Variants in NTM observed in about 807,000 individuals in gnomAD.
NTM encodes neurotrimin, also known as IgLON family member 2.
Under a neutral mutation model 42.1 loss-of-function variants are expected in NTM, and 13 were observed. The observed-to-expected ratio is 0.31, with a 90% confidence interval of 0.20 to 0.49. The LOEUF (loss-of-function observed/expected upper bound fraction) is 0.49, where lower values mean the gene tolerates loss of function less well. NTM is among the 20% of genes least tolerant of loss of function. NTM has a pLI of 0.99. For synonymous variants in NTM, 187 were observed against 179.2 expected, an observed-to-expected ratio of 1.04 and a Z score of -0.35; for missense variants, 373 against 452.8, an observed-to-expected ratio of 0.82 and a Z score of 1.60.
chr11:131,735,800 G>C (rs1188443765), intron 1 of NTM, among the ~76,000 whole-genome samples: 1 of 151,790 alleles, frequency 6.6e-6, no homozygotes. Flanking sequence ...GTGGGAGTCA[G>C]AAGCCTGTGC....
At chr11:131,765,094 A>G (rs553692995) in intron 1 of NTM, among the ~76,000 whole-genome samples, 1 of 152,230 alleles carries the variant, frequency 6.6e-6, no homozygotes, top group South Asian at 2.1e-4. Context: ...CACATCCTGA[A>G]AGCCACTTAA....
chr11:132,032,387 T>G (rs2076038479), intron 2 of NTM, among the ~76,000 whole-genome samples: 1 of 152,258 alleles, frequency 6.6e-6, no homozygotes, highest in Non-Finnish European at 1.5e-5. Context: ...GGATTTTCAC[T>G]GCTGTTTGGG....
At chr11:131,531,196 T>C (rs773756215) in intron 1 of NTM, among the ~76,000 whole-genome samples, 1 of 152,192 alleles carries the variant, frequency 6.6e-6, no homozygotes, top group Admixed American at 6.5e-5. Flanking sequence ...GATGCAATGG[T>C]GTGATTATGG....
chr11:131,795,548 G>A, intron 1 of NTM: 1 of 985,364 alleles, frequency 1.0e-6, no homozygotes, highest in Non-Finnish European at 1.2e-6. Flanking sequence ...GCTCTGTCAG[G>A]ATACAGCATG....
chr11:131,647,398 G>C (rs2065902483), intron 1 of NTM, among the ~76,000 whole-genome samples: 1 of 152,158 alleles, frequency 6.6e-6, no homozygotes. Flanking sequence ...GCTTCGCAAT[G>C]GGCAGCCCTA....
At chr11:131,833,474 TC>T (rs552926742) in intron 1 of NTM, among the ~76,000 whole-genome samples, 12 of 152,272 alleles carry the variant, frequency 7.9e-5, no homozygotes, top group Middle Eastern at 3.4e-3. Flanking sequence ...TTATATGCCT[TC>T]CCTAAGGTCA....
intron 2 of NTM, among the ~76,000 whole-genome samples, chr11:132,079,980 C>A (rs965582665): frequency 1.3e-5 from 2 of 151,970 alleles, no homozygotes; most frequent in African/African-American, 4.8e-5. Flanking sequence ...TTCTCATGGG[C>A]TCTAATTTAA....
intron 2 of NTM, among the ~76,000 whole-genome samples, chr11:132,127,484 C>G (rs751218572): frequency 1.3e-5 from 2 of 152,210 alleles, no homozygotes; most frequent in Non-Finnish European, 2.9e-5. Context: ...AACACAGGTC[C>G]CCTGTGACAT....
At chr11:131,924,106 T>C (rs775762012) in intron 2 of NTM, among the ~76,000 whole-genome samples, 14 of 152,234 alleles carry the variant, frequency 9.2e-5, no homozygotes, top group Non-Finnish European at 1.5e-4. Context: ...CTCGTGACCC[T>C]GGAGCTATGT....
chr11:131,888,666 T>G (rs1010158536), intron 1 of NTM, among the ~76,000 whole-genome samples: 2 of 152,164 alleles, frequency 1.3e-5, no homozygotes, highest in African/African-American at 2.4e-5. Flanking sequence ...AGGAACAGTC[T>G]TGCTCCAAAT....
chr11:132,190,938 T>C (rs981351924), intron 3 of NTM, among the ~76,000 whole-genome samples: 2 of 147,360 alleles, frequency 1.4e-5, no homozygotes, highest in Admixed American at 7.0e-5. Flanking sequence ...GGGGATGATA[T>C]TATTTGTTTT....
At chr11:131,974,887 G>C (rs1211878579) in intron 2 of NTM, among the ~76,000 whole-genome samples, 1 of 152,172 alleles carries the variant, frequency 6.6e-6, no homozygotes, top group Non-Finnish European at 1.5e-5. Flanking sequence ...GACTGGAATA[G>C]TCTAAACTTT....
chr11:131,748,055 C>T (rs1469975359), intron 1 of NTM, among the ~76,000 whole-genome samples: 2 of 152,184 alleles, frequency 1.3e-5, no homozygotes, highest in Non-Finnish European at 2.9e-5. Flanking sequence ...GTACAAGAAG[C>T]GTTGATGGTA....
intron 2 of NTM, among the ~76,000 whole-genome samples, chr11:132,026,795 G>A (rs2075246133): frequency 6.6e-6 from 1 of 152,158 alleles, no homozygotes; most frequent in South Asian, 2.1e-4. Context: ...TTGCAAGAAG[G>A]GAACGGTATT....
chr11:131,466,701 GT>G (rs1951931821), intron 1 of NTM, among the ~76,000 whole-genome samples: 1 of 152,172 alleles, frequency 6.6e-6, no homozygotes, highest in South Asian at 2.1e-4. Flanking sequence ...TTGAAATTAG[GT>G]AGCTGGGTAT....
At chr11:131,439,693 G>A (rs766953541) in intron 1 of NTM, among the ~76,000 whole-genome samples, 48 of 152,144 alleles carry the variant, frequency 3.2e-4, no homozygotes, top group Non-Finnish European at 5.3e-4. Flanking sequence ...GGAGTGTCCC[G>A]TTTTTCCAGG....
intron 4 of NTM, among the ~76,000 whole-genome samples, chr11:132,225,419 G>A (rs149664889): frequency 6.6e-6 from 1 of 152,296 alleles, no homozygotes; most frequent in East Asian, 1.9e-4. Context: ...AGACCCAAGC[G>A]AGATGAGACA....
intron 1 of NTM, among the ~76,000 whole-genome samples, chr11:131,906,659 CT>C (rs1302222533): frequency 6.6e-6 from 1 of 152,184 alleles, no homozygotes; most frequent in African/African-American, 2.4e-5. Context: ...CCTGCTCCCC[CT>C]GACTTTTCTG....
intron 1 of NTM, among the ~76,000 whole-genome samples, chr11:131,442,006 C>T (rs1949661540): frequency 6.6e-6 from 1 of 152,134 alleles, no homozygotes; most frequent in Admixed American, 6.5e-5. Context: ...ATTAGATGCA[C>T]CACTCCTCAG....
Sources: allele counts gnomAD v4.1 joint callset (sites outside exome capture counted in the v4.1 genomes callset), GRCh38; gene constraint gnomAD v4.1.1; transcripts MANE v1.5; gene names NCBI Gene and HGNC (gene_info 2026-07-23, HGNC 2026-07-21).